Variants in R3HDM1 observed in about 807,000 individuals in gnomAD.
R3HDM1 encodes R3H domain containing 1.
A neutral mutation model predicts 141.1 loss-of-function variants in R3HDM1; 46 were observed. That is an observed-to-expected ratio of 0.33 (90% CI 0.26 to 0.42). The LOEUF (loss-of-function observed/expected upper bound fraction) is 0.42. Among genes scored for constraint, R3HDM1 ranks in the 10% least tolerant of loss-of-function variants. The pLI, the probability that R3HDM1 is intolerant of heterozygous loss-of-function variation, is 1.00. For synonymous variants in R3HDM1, 435 were observed against 472.9 expected (o/e 0.92, Z 1.04); for missense variants, 1,184 against 1,368.3 (o/e 0.87, Z 2.12).
intron 19 of R3HDM1, among the ~76,000 whole-genome samples, chr2:135,673,650 C>A (rs1395215507): frequency 6.6e-6 from 1 of 152,148 alleles, no homozygotes; most frequent in African/African-American, 2.4e-5. Flanking sequence ...CACTTTATTA[C>A]AGATGAGAAC....
chr2:135,630,298 A>C (rs995436203), intron 7 of R3HDM1, among the ~76,000 whole-genome samples: 172 of 145,644 alleles, frequency 1.2e-3, no homozygotes, highest in Admixed American at 2.1e-3. Flanking sequence ...AAAAAAAAAA[A>C]AAAAAAAAAA....
intron 1 of R3HDM1, among the ~76,000 whole-genome samples, chr2:135,593,427 A>G (rs1045618555): frequency 6.6e-6 from 1 of 152,202 alleles, no homozygotes; most frequent in African/African-American, 2.4e-5. Flanking sequence ...TTAGAGTTAC[A>G]TTAATGGCCC....
In R3HDM1 at chr2:135,631,975, A is replaced by C; in HGVS notation, c.672A>C (p.Ile224=). The change falls in exon 9 of 27, where the codon ATA becomes ATC. Residue 224 remains isoleucine, a synonymous_variant. Coordinates refer to ENST00000683871, the MANE Select transcript of R3HDM1 (RefSeq NM_001378107.1). ...TTGATCAGAGTGGGAAGTCTGTCATAGTAAACAAAACTAGCAATACAAGAA... is the reference window on the plus strand; with the variant it reads ...TTGATCAGAGTGGGAAGTCTGTCATCGTAAACAAAACTAGCAATACAAGAA... ...HNVDQSGKSV[I]VNKTSNTRIP... 6.2e-7 allele frequency: 1 copy of C among 1,609,976 alleles called. No homozygotes were observed. The highest frequency in any genetic ancestry group is 8.5e-7 in the Non-Finnish European group (1 of 1,177,430).
intron 1 of R3HDM1, among the ~76,000 whole-genome samples, chr2:135,540,385 A>C (rs557414632): frequency 6.6e-6 from 1 of 152,332 alleles, no homozygotes; most frequent in South Asian, 2.1e-4. Context: ...TCAAAAAATA[A>C]AAATCTTTAA....
At chr2:135,615,676 C>G (rs1209998919) in intron 3 of R3HDM1, among the ~76,000 whole-genome samples, 1 of 152,120 alleles carries the variant, frequency 6.6e-6, no homozygotes, top group Non-Finnish European at 1.5e-5. Flanking sequence ...GTTGAAACAC[C>G]TCAGTAGATT....
chr2:135,562,363 A>C (rs1701955611), intron 1 of R3HDM1, among the ~76,000 whole-genome samples: 1 of 152,224 alleles, frequency 6.6e-6, no homozygotes, highest in African/African-American at 2.4e-5. Flanking sequence ...GTATATTAAC[A>C]ACATACTAAT....
At position 135,724,463 on chromosome 2, in the gene R3HDM1, T is replaced by A; in HGVS notation, c.*171T>A. On this transcript the variant is annotated 3_prime_UTR_variant, in exon 27 of 27. Transcript: ENST00000683871. ...TCCAGCAAAGGGGGAAAAATATGCA[T>A]TTCACCCCACATGACTAGGAATCCA... 1.8e-6 allele frequency: 1 copy of A among 550,258 alleles called. No individual in the cohort carries two copies. Among genetic ancestry groups the A allele is most frequent in the East Asian group, 2.9e-5 (1 of 34,710 alleles). 34.1% of individuals were successfully genotyped at this position (550,258 alleles called of 1,614,324 possible). A position where few individuals can be genotyped will look rare whatever the true frequency, so the allele number is the denominator to read the frequency against.
At chr2:135,689,071 C>A (rs1051217007) in intron 21 of R3HDM1, among the ~76,000 whole-genome samples, 10 of 152,222 alleles carry the variant, frequency 6.6e-5, no homozygotes, top group Admixed American at 2.0e-4. Flanking sequence ...TATATATCTT[C>A]ATTTAATTGG....
chr2:135,549,712 G>A (rs533570988), intron 1 of R3HDM1, among the ~76,000 whole-genome samples: 67 of 152,182 alleles, frequency 4.4e-4, no homozygotes, highest in African/African-American at 1.5e-3. Context: ...CAGAAAACAG[G>A]TTAGAGTTTA....
At chr2:135,622,498 G>T in intron 6 of R3HDM1, 156 bp from the exon 7 acceptor site, 2 of 984,752 alleles carry the variant, frequency 2.0e-6, no homozygotes, top group Non-Finnish European at 2.4e-6. Flanking sequence ...AAACATCGTG[G>T]TCACCTGATT....
At chr2:135,586,782 A>AT (rs1708032608) in intron 1 of R3HDM1, 11 of 984,976 alleles carry the variant, frequency 1.1e-5, no homozygotes, top group Admixed American at 1.2e-4. Context: ...TAACTTACTG[A>AT]TAGAATGGTT....
intron 19 of R3HDM1, chr2:135,666,941 A>G (rs958972132): frequency 6.8e-5 from 19 of 279,902 alleles, no homozygotes; most frequent in Non-Finnish European, 9.7e-5. Flanking sequence ...AAAAAAGAAA[A>G]CTACCTTCAC....
intron 7 of R3HDM1, among the ~76,000 whole-genome samples, chr2:135,630,309 C>CA (rs1240227634): frequency 0.037 from 2,919 of 78,862 alleles, 133 homozygotes; most frequent in African/African-American, 0.13. Flanking sequence ...AAAAAAAAAA[C>CA]AAAAAAAAAA....
chr2:135,670,868 G>A (rs559669538), intron 19 of R3HDM1, among the ~76,000 whole-genome samples: 2 of 152,032 alleles, frequency 1.3e-5, no homozygotes, highest in South Asian at 4.1e-4. Flanking sequence ...AGACCAGCCT[G>A]GGCAACATGG....
chr2:135,611,407 A>G (rs776253913), intron 3 of R3HDM1, among the ~76,000 whole-genome samples: 1 of 152,192 alleles, frequency 6.6e-6, no homozygotes, highest in Non-Finnish European at 1.5e-5. Context: ...TCTCAGAGAA[A>G]AAAAGATATA....
chr2:135,622,537 T>C (rs1275017134), intron 6 of R3HDM1, 117 bp from the exon 7 acceptor site: 2 of 1,350,570 alleles, frequency 1.5e-6, no homozygotes, highest in Non-Finnish European at 9.6e-7. Context: ...CTTTGTCGAA[T>C]TTTTTTCAAT....
intron 2 of R3HDM1, among the ~76,000 whole-genome samples, chr2:135,603,990 A>G (rs7608702): frequency 0.16 from 24,636 of 152,184 alleles, 5,499 homozygotes; most frequent in African/African-American, 0.51. Context: ...AATCCAGTGC[A>G]AAACCAGTGA....
intron 18 of R3HDM1, among the ~76,000 whole-genome samples, chr2:135,653,544 A>T (rs1298354792): frequency 1.3e-5 from 2 of 152,082 alleles, no homozygotes; most frequent in African/African-American, 4.8e-5. Context: ...TATTTAGTTT[A>T]AAATGTTTTC....
intron 21 of R3HDM1, among the ~76,000 whole-genome samples, chr2:135,702,217 G>GAAAAA (rs35183953): frequency 5.0e-5 from 6 of 120,852 alleles, no homozygotes; most frequent in African/African-American, 7.9e-5. Flanking sequence ...GTCTCAGGGG[G>GAAAAA]AAAAAAAAAA....
Sources: allele counts gnomAD v4.1 joint callset (sites outside exome capture counted in the v4.1 genomes callset), GRCh38; gene constraint gnomAD v4.1.1; transcripts MANE v1.5; gene names NCBI Gene and HGNC (gene_info 2026-07-23, HGNC 2026-07-21).